GALNT13: variants seen among roughly 807,000 people sequenced by gnomAD.
GALNT13 encodes UDP-GalNAc:polypeptide N-acetylgalactosaminyltransferase 13.
A neutral mutation model predicts 64.2 loss-of-function variants in GALNT13; 28 were observed. The ratio of observed to expected loss-of-function variants is 0.44; its 90% CI spans 0.32 to 0.60. GALNT13 has a LOEUF of 0.60. Ranked by LOEUF, GALNT13 falls within the 20% of genes least tolerant of loss-of-function variation. GALNT13 has a pLI of 0.05. For synonymous variants in GALNT13, 214 were observed against 224.6 expected (o/e 0.95, Z 0.42); for missense variants, 577 against 669.8 (o/e 0.86, Z 1.53).
the GALNT13 span, among the ~76,000 whole-genome samples, chr2:153,709,494 G>A: frequency 6.6e-6 from 1 of 152,056 alleles, no homozygotes; most frequent in African/African-American, 2.4e-5. Flanking sequence ...GTGATAGCGA[G>A]TGTTGGTCAG....
chr2:154,019,962 T>C (rs1240365402), intron 3 of GALNT13, among the ~76,000 whole-genome samples: 1 of 152,134 alleles, frequency 6.6e-6, no homozygotes, highest in Non-Finnish European at 1.5e-5. Flanking sequence ...TTTGGTTTTT[T>C]GTCCTTGCAA....
chr2:153,495,956 T>C, the GALNT13 span, among the ~76,000 whole-genome samples: 1 of 152,156 alleles, frequency 6.6e-6, no homozygotes, highest in African/African-American at 2.4e-5. Context: ...TTCTTGGGCT[T>C]GTTAGTGTCT....
chr2:154,037,025 C>T (rs1698698651), intron 3 of GALNT13, among the ~76,000 whole-genome samples: 1 of 152,010 alleles, frequency 6.6e-6, no homozygotes, highest in East Asian at 1.9e-4. Flanking sequence ...AAACCAGAAA[C>T]AACCATTTTC....
chr2:153,410,156 A>G, the GALNT13 span, among the ~76,000 whole-genome samples: 2 of 151,752 alleles, frequency 1.3e-5, no homozygotes, highest in African/African-American at 2.4e-5. Context: ...CAATATCACA[A>G]CTCACTGTAG....
At chr2:153,436,983 A>T in the GALNT13 span, among the ~76,000 whole-genome samples, 1 of 151,850 alleles carries the variant, frequency 6.6e-6, no homozygotes, top group African/African-American at 2.4e-5. Flanking sequence ...ATTTCCCTCT[A>T]CATACTGCTT....
the GALNT13 span, among the ~76,000 whole-genome samples, chr2:153,847,841 G>C: frequency 6.6e-6 from 1 of 152,146 alleles, no homozygotes; most frequent in African/African-American, 2.4e-5. Flanking sequence ...ATATTGGAGA[G>C]AGCAGTTGGT....
At chr2:153,624,260 T>C in the GALNT13 span, among the ~76,000 whole-genome samples, 87 of 152,240 alleles carry the variant, frequency 5.7e-4, no homozygotes, top group African/African-American at 2.1e-3. Context: ...CTGTAATCTC[T>C]AGGAGCCTAT....
At chr2:153,417,018 A>G in the GALNT13 span, among the ~76,000 whole-genome samples, 11 of 152,222 alleles carry the variant, frequency 7.2e-5, no homozygotes, top group Non-Finnish European at 1.5e-5. Context: ...AGGAAGTGCT[A>G]GGTCAGAAGT....
At chr2:154,224,564 C>G (rs970657044) in intron 4 of GALNT13, among the ~76,000 whole-genome samples, 4 of 151,824 alleles carry the variant, frequency 2.6e-5, no homozygotes, top group African/African-American at 9.7e-5. Flanking sequence ...AAAATAATGC[C>G]ATAGAGGAGC....
At chr2:154,255,992 G>T (rs1430164131) in intron 7 of GALNT13, among the ~76,000 whole-genome samples, 1 of 151,994 alleles carries the variant, frequency 6.6e-6, no homozygotes, top group Non-Finnish European at 1.5e-5. Flanking sequence ...AGTCGAGGCT[G>T]CAGGGAAATC....
At chr2:153,269,523 T>G in the GALNT13 span, among the ~76,000 whole-genome samples, 1 of 152,172 alleles carries the variant, frequency 6.6e-6, no homozygotes, top group East Asian at 1.9e-4. Context: ...AATCCAAACT[T>G]TCCCACATTT....
At chr2:153,941,127 G>A (rs565270868) in intron 2 of GALNT13, among the ~76,000 whole-genome samples, 8 of 152,010 alleles carry the variant, frequency 5.3e-5, no homozygotes, top group South Asian at 2.1e-4. Context: ...CACTATCTCC[G>A]TTCCATTACA....
chr2:154,435,145 A>C (rs1260215207), intron 11 of GALNT13, among the ~76,000 whole-genome samples: 4 of 152,242 alleles, frequency 2.6e-5, no homozygotes, highest in Non-Finnish European at 5.9e-5. Flanking sequence ...CATGTAACAC[A>C]GTTCTGCTTT....
chr2:153,417,541 T>G, the GALNT13 span, among the ~76,000 whole-genome samples: 1 of 152,156 alleles, frequency 6.6e-6, no homozygotes, highest in Non-Finnish European at 1.5e-5. Context: ...GAAATATAAT[T>G]TGTTTTTGAA....
At chr2:154,331,376 C>T (rs1331744500) in intron 9 of GALNT13, among the ~76,000 whole-genome samples, 2 of 152,084 alleles carry the variant, frequency 1.3e-5, no homozygotes, top group South Asian at 2.1e-4. Context: ...AATTATAGCT[C>T]ACTGCAACCT....
chr2:154,099,665 C>T (rs779965375), intron 3 of GALNT13, among the ~76,000 whole-genome samples: 5 of 151,972 alleles, frequency 3.3e-5, no homozygotes, highest in African/African-American at 9.7e-5. Context: ...CGGTCAGGCA[C>T]GGAGGCTCAT....
the GALNT13 span, among the ~76,000 whole-genome samples, chr2:153,525,772 T>G: frequency 6.6e-6 from 1 of 151,924 alleles, no homozygotes; most frequent in Non-Finnish European, 1.5e-5. Context: ...TAGGGCTTAG[T>G]TCTTAGATGG....
At chr2:154,064,702 C>T (rs965351607) in intron 3 of GALNT13, among the ~76,000 whole-genome samples, 2 of 152,042 alleles carry the variant, frequency 1.3e-5, no homozygotes, top group African/African-American at 2.4e-5. Flanking sequence ...ACCAAAGAAC[C>T]GTGGGACCCT....
intron 9 of GALNT13, among the ~76,000 whole-genome samples, chr2:154,361,321 T>G (rs549671371): frequency 5.3e-5 from 8 of 152,116 alleles, no homozygotes; most frequent in Non-Finnish European, 1.2e-4. Flanking sequence ...CCTAAATTAG[T>G]CTCTAGCTCC....
Sources: gnomAD v4.1 joint callset for allele counts (sites outside exome capture counted in the v4.1 genomes callset) on GRCh38, gnomAD v4.1.1 for gene constraint, MANE v1.5 for transcripts, NCBI Gene and HGNC (gene_info 2026-07-23, HGNC 2026-07-21) for gene names.